The following DYNC1LI2 variants were observed in gnomAD, a reference collection of about 807,000 sequenced individuals.
DYNC1LI2 encodes the protein dynein cytoplasmic 1 light intermediate chain 2, also known as cytoplasmic dynein 1 light intermediate chain 2.
Under a neutral mutation model 57.8 loss-of-function variants are expected in DYNC1LI2, and 19 were observed. The observed-to-expected ratio is 0.33, with a 90% CI of 0.23 to 0.48. DYNC1LI2 has a LOEUF of 0.48. DYNC1LI2 is among the 20% of genes least tolerant of loss of function. The pLI, the probability that DYNC1LI2 is intolerant of heterozygous loss-of-function variation, is 0.99. For missense variants in DYNC1LI2, 470 were observed against 604.2 expected (o/e 0.78, Z 2.33); for synonymous variants, 256 against 233.4 (o/e 1.10, Z -0.88).
At chr16:66,727,579 C>A in intron 11 of DYNC1LI2, 109 bp downstream of exon 11, 1 of 1,010,730 alleles carries the variant, frequency 9.9e-7, no homozygotes, top group South Asian at 1.6e-5. Context: ...AGAGAATAGC[C>A]TGGCTTCCAT....
In DYNC1LI2 at chr16:66,729,021, AC is replaced by A. The variant is rs768256884; in HGVS notation, c.1101+18del. 1.9e-6 allele frequency: 3 copies of A among 1,614,002 alleles called. No individual in the cohort carries two copies. The South Asian group carries it at 3.3e-5, about 18-fold the overall frequency. On this transcript the variant is annotated intron_variant, in intron 9 of 12. Coordinates refer to ENST00000258198, the MANE Select transcript of DYNC1LI2 (RefSeq NM_006141.3). ...CATGCATGAGAAGGCCTCTGTTCTAACCTCACTGGTCTTCTTACCTGTTGCT... is the reference window on the plus strand; with the variant it reads ...CATGCATGAGAAGGCCTCTGTTCTAACTCACTGGTCTTCTTACCTGTTGCT...
rs1189579688 is a variant in DYNC1LI2, at chr16:66,723,476, C to A, written c.*246G>T. The A allele has an allele frequency of 5.0e-6, 3 of 595,144 alleles. No individual in the cohort carries two copies. Among genetic ancestry groups the A allele is most frequent in the Non-Finnish European group, 6.3e-6 (2 of 318,024 alleles). 36.9% of individuals were successfully genotyped at this position (595,144 alleles called of 1,614,324 possible). On this transcript the variant is annotated 3_prime_UTR_variant, in exon 13 of 13. Coordinates refer to ENST00000258198, the MANE Select transcript of DYNC1LI2 (RefSeq NM_006141.3). ...TCCACAAGAAGCCCAGATGTGCTTG[C>A]CTCCCACAAAAGAGCCACATGCCCC...
At chr16:66,749,658 A>C (rs2018005069) in intron 2 of DYNC1LI2, among the ~76,000 whole-genome samples, 1 of 152,218 alleles carries the variant, frequency 6.6e-6, no homozygotes, top group African/African-American at 2.4e-5. Context: ...TCTCACAAGA[A>C]AAAGTTTCAC....
intron 4 of DYNC1LI2, chr16:66,738,884 AACACAC>A (rs34638723): frequency 0.15 from 19,617 of 133,300 alleles, 1,537 homozygotes; most frequent in African/African-American, 0.19. Context: ...AAAAAAAACA[AACACAC>A]ACACACACAC....
rs998607173 is a variant in DYNC1LI2 at position 66,746,599 on chromosome 16, T to C, written c.298+2598A>G. ...TAAAATATACTTAAAGGCAAATAAA[T>C]GTGGTCAACACGATGCTCTGGCATG... On this transcript the variant is annotated intron_variant, in intron 3 of 12. Coordinates refer to ENST00000258198, the MANE Select transcript of DYNC1LI2 (RefSeq NM_006141.3). 4.6e-5 allele frequency among the ~76,000 whole-genome samples: 7 copies of C among 152,322 alleles called. No individual in the cohort carries two copies. In the South Asian group the frequency reaches 6.2e-4, roughly 14 times the overall value.
intron 11 of DYNC1LI2, among the ~76,000 whole-genome samples, chr16:66,726,923 C>CTT (rs889056474): frequency 6.9e-6 from 1 of 145,208 alleles, no homozygotes; most frequent in Non-Finnish European, 1.5e-5. Context: ...CACGCCAGGC[C>CTT]TTTTTTTTTT....
intron 5 of DYNC1LI2, among the ~76,000 whole-genome samples, chr16:66,734,858 A>G (rs548435295): frequency 5.3e-4 from 80 of 151,550 alleles, no homozygotes; most frequent in Admixed American, 9.2e-4. Flanking sequence ...TTAGCCAGGC[A>G]TGGTGGCGGA....
chr16:66,751,440 G>A lies in DYNC1LI2; in HGVS notation c.107+45C>T, dbSNP rs539699954. 6.4e-5 allele frequency: 101 copies of A among 1,580,272 alleles called. No individual in the cohort carries two copies. The highest frequency in any genetic ancestry group is 8.1e-5 in the Non-Finnish European group (95 of 1,166,996). ...TCAGTGTGTCCGACGGTCCGGCCCA[G>A]AGGCCGCGCCCCCCACGGCCCGGCC... On this transcript the variant is annotated intron_variant, in intron 1 of 12. Transcript: ENST00000258198. This position sits in a 1 kb window ranked among gnomAD's most constrained non-coding sequence, Gnocchi z 5.2.
At chr16:66,741,295 C>T (rs575302189) in intron 4 of DYNC1LI2, among the ~76,000 whole-genome samples, 3 of 152,118 alleles carry the variant, frequency 2.0e-5, no homozygotes, top group Non-Finnish European at 4.4e-5. Context: ...AGAAGTTGTC[C>T]TTAAGGGCTC....
At chr16:66,724,934 G>A (rs1273445725) in intron 12 of DYNC1LI2, among the ~76,000 whole-genome samples, 1 of 152,186 alleles carries the variant, frequency 6.6e-6, no homozygotes, top group African/African-American at 2.4e-5. Flanking sequence ...CACTTTGGGA[G>A]GCCAAGGCAG....
chr16:66,725,616 CA>C (rs2017524474), intron 12 of DYNC1LI2, among the ~76,000 whole-genome samples: 1 of 152,322 alleles, frequency 6.6e-6, no homozygotes, highest in Admixed American at 6.5e-5. Context: ...CCCAAATGTA[CA>C]CAAATCCCAC....
chr16:66,727,206 C>T (rs1040178666), intron 11 of DYNC1LI2, among the ~76,000 whole-genome samples: 2 of 152,172 alleles, frequency 1.3e-5, no homozygotes, highest in Non-Finnish European at 2.9e-5. Flanking sequence ...GCATGAGCCA[C>T]TGCATCTGGC....
intron 4 of DYNC1LI2, chr16:66,739,367 C>A (rs2017796242): frequency 6.6e-6 from 1 of 152,210 alleles, no homozygotes; most frequent in African/African-American, 2.4e-5. Context: ...TATTCACGCT[C>A]TAAAGGAATG....
In DYNC1LI2 at chr16:66,725,854, CCACCAG is replaced by C; in HGVS notation, c.1346_1351del (p.Ala449_Gly450del). The C allele has an allele frequency of 6.2e-7, 1 of 1,614,096 alleles. No individual in the cohort carries two copies. The highest frequency in any genetic ancestry group is 8.5e-7 in the Non-Finnish European group (1 of 1,180,000). On this transcript the variant is annotated inframe_deletion, in exon 12 of 13. Transcript: ENST00000258198. Reference sequence around the variant, plus strand: ...TGACTTCTTGGCTGTGCTCTGCACCCCACCAGCACCAGGACTTCCAGGAGAGCCTGT... The same window carrying C: ...TGACTTCTTGGCTGTGCTCTGCACCCCACCAGGACTTCCAGGAGAGCCTGT...
At position 66,732,404 on chromosome 16, in the gene DYNC1LI2, A is replaced by G. The variant is rs771696037; in HGVS notation, c.864T>C (p.Val288=). Residue 288 remains valine (V), a synonymous_variant, in exon 7 of 13, where the codon GTT becomes GTC. Coordinates refer to ENST00000258198, the MANE Select transcript of DYNC1LI2 (RefSeq NM_006141.3). The part of the protein sequence containing the change: ...KNLDLLYKYI[V]HKTYGFHFTT... ...TGAAGTGGAAACCGTATGTTTTATG[A>G]ACAATATACTTATACAACAAGTCGA... The G allele has an allele frequency of 9.3e-6, 15 of 1,614,072 alleles. No homozygotes were observed. In the Middle Eastern group the frequency reaches 4.9e-4, roughly 53 times the overall value.
At position 66,742,396 on chromosome 16, in the gene DYNC1LI2, G is replaced by T. The variant is rs199842027; in HGVS notation, c.529+42C>A. On this transcript the variant is annotated intron_variant, in intron 4 of 12. Transcript: ENST00000258198. The stretch of plus-strand genomic sequence containing the variant: ...GAAAGTGATTCAAACCATCTAAAGA[G>T]ACTCGTGAACTTCCCAATTAAGAAA... The T allele has an allele frequency of 4.2e-5, 66 of 1,585,644 alleles. 1 individual carries two copies. The East Asian group carries it at 1.5e-3, about 35-fold the overall frequency.
At chr16:66,750,642 G>T (rs189432217) in intron 2 of DYNC1LI2, among the ~76,000 whole-genome samples, 1 of 152,072 alleles carries the variant, frequency 6.6e-6, no homozygotes, top group African/African-American at 2.4e-5. Flanking sequence ...TTCTTCTATA[G>T]TGTTTAAGAG....
In DYNC1LI2 at chr16:66,723,439, T is replaced by G; in HGVS notation, c.*283A>C. On this transcript the variant is annotated 3_prime_UTR_variant, in exon 13 of 13. Transcript: ENST00000258198. ...AGAAAGTGGGCCCTCTTTCTTTCACTCTACCTTCCCCTCCACAAGAAGCCC... is the reference window on the plus strand; with the variant it reads ...AGAAAGTGGGCCCTCTTTCTTTCACGCTACCTTCCCCTCCACAAGAAGCCC... The G allele has an allele frequency of 1.8e-6, 1 of 545,036 alleles. No homozygotes were observed. The highest frequency in any genetic ancestry group is 3.5e-6 in the Non-Finnish European group (1 of 285,606). 33.8% of individuals were successfully genotyped at this position (545,036 alleles called of 1,614,324 possible).
intron 4 of DYNC1LI2, among the ~76,000 whole-genome samples, chr16:66,740,119 CA>C (rs916107352): frequency 5.9e-5 from 9 of 152,060 alleles, no homozygotes; most frequent in Admixed American, 2.6e-4. Flanking sequence ...GACTAAAGTA[CA>C]AAAAAGCGCC....
Sources: allele counts gnomAD v4.1 joint callset (sites outside exome capture counted in the v4.1 genomes callset), GRCh38; gene constraint gnomAD v4.1.1; non-coding constraint Gnocchi (gnomAD v3.1); transcripts MANE v1.5; gene names NCBI Gene and HGNC (gene_info 2026-07-23, HGNC 2026-07-21).